CLEC2A: variants seen among roughly 807,000 people sequenced by gnomAD.
CLEC2A encodes keratinocyte-associated C-type lectin.
In CLEC2A, 19 loss-of-function variants were observed where a neutral mutation model predicts 18.6. The observed-to-expected ratio is 1.02, with a 90% CI of 0.71 to 1.50. The LOEUF (loss-of-function observed/expected upper bound fraction) is 1.50, where lower values mean the gene tolerates loss of function less well. CLEC2A is among the 40% of genes most tolerant of loss of function. The pLI, the probability that CLEC2A is intolerant of heterozygous loss-of-function variation, is 0.00. For missense variants in CLEC2A, 190 were observed against 207.9 expected, an observed-to-expected ratio of 0.91 and a Z score of 0.53; for synonymous variants, 74 against 64.0, an observed-to-expected ratio of 1.16 and a Z score of -0.75.
At chr12:9,909,540 C>T (rs1862951985), downstream of CLEC2A, among the ~76,000 whole-genome samples, 1 of 152,148 alleles carries the variant, frequency 6.6e-6, no homozygotes, top group African/African-American at 2.4e-5. Flanking sequence ...CTCACAGCGG[C>T]TTGAGTTCTT....
In CLEC2A at chr12:9,913,414, G is replaced by A; in HGVS notation, c.*152C>T. 1 of 1,332,176 alleles carries A rather than the reference G, an allele frequency of 7.5e-7. No individual in the cohort carries two copies. The highest frequency in any genetic ancestry group is 9.8e-7 in the Non-Finnish European group (1 of 1,015,388). 82.5% of individuals were successfully genotyped at this position (1,332,176 alleles called of 1,614,324 possible). On this transcript the variant is annotated 3_prime_UTR_variant, in exon 5 of 5. Coordinates refer to ENST00000455827, the MANE Select transcript of CLEC2A (RefSeq NM_001130711.2). ...GCCTTGTCTCTTTAACCATGGCAGG[G>A]CACAGCAAGAAGTTTCCATCTATAA... is the stretch of plus-strand genomic sequence containing the variant.
At chr12:9,879,619 A>G in the CLEC2A span, among the ~76,000 whole-genome samples, 2 of 152,238 alleles carry the variant, frequency 1.3e-5, no homozygotes, top group Non-Finnish European at 2.9e-5. Flanking sequence ...GAACTAAATC[A>G]TCTTGATATA....
chr12:9,905,301 G>A (rs1423295742), intron 4 of CLEC2A, among the ~76,000 whole-genome samples: 2 of 152,164 alleles, frequency 1.3e-5, no homozygotes, highest in Non-Finnish European at 2.9e-5. Context: ...TTCCTAAGCT[G>A]GTTCAAGTTT....
intron 3 of CLEC2A, among the ~76,000 whole-genome samples, chr12:9,918,138 C>T (rs964332529): frequency 6.6e-6 from 1 of 151,146 alleles, no homozygotes; most frequent in Non-Finnish European, 1.5e-5. Flanking sequence ...TTTTTTTTTA[C>T]TATTGCTTTT....
At chr12:9,892,212 A>G in the CLEC2A span, among the ~76,000 whole-genome samples, 1 of 152,036 alleles carries the variant, frequency 6.6e-6, no homozygotes. Flanking sequence ...TGTATATTAA[A>G]GAAAAAGTTA....
At chr12:9,928,258 G>A (rs558529832) in intron 1 of CLEC2A, among the ~76,000 whole-genome samples, 170 of 152,258 alleles carry the variant, frequency 1.1e-3, no homozygotes, top group Non-Finnish European at 1.7e-3. Flanking sequence ...CTGAGGTCAG[G>A]AATTTGAGAC....
intron 1 of CLEC2A, among the ~76,000 whole-genome samples, chr12:9,928,827 GAA>G (rs1362188390): frequency 6.6e-6 from 1 of 152,140 alleles, no homozygotes; most frequent in Non-Finnish European, 1.5e-5. Flanking sequence ...CTGTTAAAAT[GAA>G]AAAGACTGAC....
intron 4 of CLEC2A, among the ~76,000 whole-genome samples, chr12:9,906,427 A>G (rs1225825426): frequency 1.3e-5 from 2 of 152,206 alleles, no homozygotes; most frequent in Non-Finnish European, 2.9e-5. Context: ...GAACATGGAC[A>G]ATAGCTATCT....
chr12:9,921,199 A>T (rs1863167071), intron 3 of CLEC2A, among the ~76,000 whole-genome samples: 1 of 152,218 alleles, frequency 6.6e-6, no homozygotes, highest in Admixed American at 6.5e-5. Flanking sequence ...AACACTGTTG[A>T]GCACACATTG....
chr12:9,890,846 C>A, the CLEC2A span, among the ~76,000 whole-genome samples: 1 of 152,158 alleles, frequency 6.6e-6, no homozygotes, highest in South Asian at 2.1e-4. Flanking sequence ...GAGGCTGGAC[C>A]TATGGGGTCA....
chr12:9,922,992 T>C (rs555172574), intron 2 of CLEC2A, among the ~76,000 whole-genome samples: 2 of 152,296 alleles, frequency 1.3e-5, no homozygotes, highest in South Asian at 2.1e-4. Flanking sequence ...TAAGATATAA[T>C]GTGTTTCAAC....
intron 2 of CLEC2A, among the ~76,000 whole-genome samples, chr12:9,924,020 C>T (rs185024056): frequency 1.6e-4 from 24 of 151,788 alleles, no homozygotes; most frequent in East Asian, 7.8e-4. Context: ...ATGTAAATGA[C>T]GAGTTAATGG....
chr12:9,883,188 A>G, the CLEC2A span, among the ~76,000 whole-genome samples: 1 of 152,238 alleles, frequency 6.6e-6, no homozygotes, highest in African/African-American at 2.4e-5. Flanking sequence ...CACATTGTGT[A>G]TAAGATAAAG....
At chr12:9,888,489 C>CA in the CLEC2A span, among the ~76,000 whole-genome samples, 4,963 of 142,154 alleles carry the variant, frequency 0.035, 263 homozygotes, top group African/African-American at 0.12. Flanking sequence ...GACTCTGTCT[C>CA]AAAAAAAAAA....
chr12:9,889,812 A>C, the CLEC2A span, among the ~76,000 whole-genome samples: 1 of 152,126 alleles, frequency 6.6e-6, no homozygotes, highest in Admixed American at 6.6e-5. Context: ...CTAAGCTAAC[A>C]GAGTTAGAGT....
rs1383272476 is a variant in CLEC2A, at chr12:9,913,529, CTTG to C, written c.*34_*36del. 2 of 1,532,202 alleles carry C rather than the reference CTTG, an allele frequency of 1.3e-6. No individual in the cohort carries two copies. Among genetic ancestry groups the C allele is most frequent in the Non-Finnish European group, 1.8e-6 (2 of 1,142,322 alleles). The allele number at this position is 1,532,202 out of a possible 1,614,324, so 94.9% of individuals were successfully genotyped here. A position where few individuals can be genotyped will look rare whatever the true frequency, so the allele number is the denominator to read the frequency against. On this transcript the variant is annotated 3_prime_UTR_variant, in exon 5 of 5. Transcript: ENST00000455827. ...TTGCATAATTAGCTCTTCTTTCAAT[CTTG>C]AAGTGTGATAATCATTTTCAAGTTT...
the CLEC2A span, among the ~76,000 whole-genome samples, chr12:9,890,420 C>T: frequency 9.2e-5 from 14 of 152,274 alleles, no homozygotes; most frequent in Middle Eastern, 3.4e-3. Flanking sequence ...TCCAAGCTCT[C>T]TCTTACGGTG....
intron 1 of CLEC2A, among the ~76,000 whole-genome samples, chr12:9,929,648 T>C (rs1429435803): frequency 6.6e-6 from 1 of 152,146 alleles, no homozygotes; most frequent in East Asian, 1.9e-4. Context: ...TTGTTGTATA[T>C]AGTAAATAAA....
At chr12:9,908,789 G>A (rs1591787312), downstream of CLEC2A, among the ~76,000 whole-genome samples, 1 of 152,042 alleles carries the variant, frequency 6.6e-6, no homozygotes, top group African/African-American at 2.4e-5. Flanking sequence ...TTCTTTATAG[G>A]GTCTGGCAAA....
Sources: gnomAD v4.1 joint callset for allele counts (sites outside exome capture counted in the v4.1 genomes callset) on GRCh38, gnomAD v4.1.1 for gene constraint, MANE v1.5 for transcripts, NCBI Gene and HGNC (gene_info 2026-07-23, HGNC 2026-07-21) for gene names.